The following CDIN1 variants were observed in gnomAD, a reference collection of about 807,000 sequenced individuals.
CDIN1 encodes the protein CDAN1-interacting nuclease 1.
A neutral mutation model predicts 45.3 loss-of-function variants in CDIN1; 33 were observed. The observed-to-expected ratio is 0.73, with a 90% CI of 0.55 to 0.97. The LOEUF is 0.97. Among genes scored for constraint, CDIN1 ranks in the 50% least tolerant of loss-of-function variants. CDIN1 has a pLI of 0.00. For synonymous variants in CDIN1, 118 were observed against 124.4 expected (o/e 0.95, Z 0.34); for missense variants, 303 against 339.4 (o/e 0.89, Z 0.84).
intron 1 of CDIN1, among the ~76,000 whole-genome samples, chr15:36,635,949 A>C (rs1284569252): frequency 1.3e-5 from 2 of 152,158 alleles, no homozygotes; most frequent in Non-Finnish European, 2.9e-5. Flanking sequence ...TATGAAGAGA[A>C]ACTAAGAAAC....
chr15:36,785,147 C>T (rs1595595274), intron 10 of CDIN1, among the ~76,000 whole-genome samples: 1 of 152,154 alleles, frequency 6.6e-6, no homozygotes, highest in Non-Finnish European at 1.5e-5. Context: ...GAATGATTCA[C>T]ATTTACATGG....
chr15:36,745,006 G>C (rs1295703882), intron 10 of CDIN1, among the ~76,000 whole-genome samples: 1 of 152,208 alleles, frequency 6.6e-6, no homozygotes, highest in Non-Finnish European at 1.5e-5. Context: ...GGGTGAATAA[G>C]TGGTGATGTT....
chr15:36,657,923 C>T lies in CDIN1; in HGVS notation c.346+18C>T, dbSNP rs1421521395. On this transcript the variant is annotated intron_variant, in intron 5 of 10. Coordinates refer to ENST00000566621, the MANE Select transcript of CDIN1 (RefSeq NM_001321759.2). ...AACTCCACGTGAGTTACCCTTTTTT[C>T]CTAATGGTACTCTTTTACTCCCTTC... 1.3e-6 allele frequency: 2 copies of T among 1,587,768 alleles called. No individual in the cohort carries two copies. Among genetic ancestry groups the T allele is most frequent in the South Asian group, 1.1e-5 (1 of 88,572 alleles).
At chr15:36,802,411 G>C (rs1362344171) in intron 10 of CDIN1, among the ~76,000 whole-genome samples, 3 of 152,044 alleles carry the variant, frequency 2.0e-5, no homozygotes, top group Non-Finnish European at 4.4e-5. Flanking sequence ...TAGAAGCTCA[G>C]CTGGCTTCAG....
chr15:36,600,125 A>C (rs1285153677), intron 1 of CDIN1, among the ~76,000 whole-genome samples: 1 of 152,180 alleles, frequency 6.6e-6, no homozygotes. Flanking sequence ...GTCCCTGGAG[A>C]GGCCTCTTAG....
intron 3 of CDIN1, among the ~76,000 whole-genome samples, chr15:36,651,411 T>A (rs2040572683): frequency 6.6e-6 from 1 of 152,206 alleles, no homozygotes; most frequent in Non-Finnish European, 1.5e-5. Flanking sequence ...TCTAATTATG[T>A]CTTTATGGAA....
intron 1 of CDIN1, among the ~76,000 whole-genome samples, chr15:36,641,022 G>A (rs939565210): frequency 1.3e-5 from 2 of 152,144 alleles, no homozygotes; most frequent in African/African-American, 4.8e-5. Context: ...ACAGACAGAG[G>A]AAAAATTTTA....
chr15:36,754,571 A>G (rs559710752), intron 10 of CDIN1, among the ~76,000 whole-genome samples: 83 of 151,612 alleles, frequency 5.5e-4, no homozygotes, highest in African/African-American at 1.8e-3. Flanking sequence ...TCTCTTAAAA[A>G]AAAAAAAAAA....
intron 10 of CDIN1, among the ~76,000 whole-genome samples, chr15:36,760,710 AGAAATGGTGG>A (rs11279763): frequency 0.14 from 21,930 of 152,120 alleles, 1,762 homozygotes; most frequent in African/African-American, 0.21. Flanking sequence ...GGAGCATCTA[AGAAATGGTGG>A]TGGTGGTGCT....
chr15:36,623,783 T>A (rs185082926), intron 1 of CDIN1, among the ~76,000 whole-genome samples: 191 of 152,372 alleles, frequency 1.3e-3, no homozygotes, highest in African/African-American at 4.2e-3. Flanking sequence ...TAGATTAAGT[T>A]GTTTGCAACT....
At chr15:36,595,468 G>T (rs993894925) in intron 1 of CDIN1, among the ~76,000 whole-genome samples, 2 of 151,880 alleles carry the variant, frequency 1.3e-5, no homozygotes, top group African/African-American at 4.8e-5. Context: ...TGTCATAAAA[G>T]AAATTACACC....
At chr15:36,723,733 T>C (rs1452917) in intron 10 of CDIN1, among the ~76,000 whole-genome samples, 115,440 of 152,106 alleles carry the variant, frequency 0.76, 44,265 homozygotes, top group East Asian at 0.96. Context: ...GCTGGCCTGC[T>C]GTATTCCTAA....
At chr15:36,766,941 C>G (rs188613426) in intron 10 of CDIN1, among the ~76,000 whole-genome samples, 1 of 152,192 alleles carries the variant, frequency 6.6e-6, no homozygotes, top group Admixed American at 6.5e-5. Context: ...TTTAGTTTGA[C>G]GTAGTCTCAA....
In CDIN1 at chr15:36,691,771, A is replaced by G; in HGVS notation, c.426+7A>G. On this transcript the variant is annotated splice_region_variant and intron_variant, in intron 6 of 10. Coordinates refer to ENST00000566621, the MANE Select transcript of CDIN1 (RefSeq NM_001321759.2). Reference sequence around the variant, plus strand: ...AGCAAATCAGGTCTATCAGGTATTAATCACAGCTGTCTATTTTCAGTGGCA... The same window carrying G: ...AGCAAATCAGGTCTATCAGGTATTAGTCACAGCTGTCTATTTTCAGTGGCA... 1.3e-6 allele frequency: 2 copies of G among 1,576,306 alleles called. No individual in the cohort carries two copies. The highest frequency in any genetic ancestry group is 1.1e-5 in the South Asian group (1 of 87,166).
intron 5 of CDIN1, among the ~76,000 whole-genome samples, chr15:36,667,918 C>A (rs1312100480): frequency 6.6e-6 from 1 of 152,076 alleles, no homozygotes; most frequent in Non-Finnish European, 1.5e-5. Context: ...GTAATTTCTG[C>A]TTCATTCAGG....
Position 36,695,249 on chromosome 15 carries a change from C to T in CDIN1, c.477-2074C>T, listed in dbSNP as rs545364717. On this transcript the variant is annotated intron_variant, in intron 7 of 10. Coordinates refer to ENST00000566621, the MANE Select transcript of CDIN1 (RefSeq NM_001321759.2). The stretch of plus-strand genomic sequence containing the variant: ...AACGAAGTTTTATTTAAGTTGAACT[C>T]GTGCAGTGCATGATCAGAATCAGCT... 6.6e-4 allele frequency among the ~76,000 whole-genome samples: 101 copies of T among 151,972 alleles called. 1 individual carries two copies. Among genetic ancestry groups the T allele is most frequent in the Non-Finnish European group, 8.4e-4 (57 of 68,008 alleles).
chr15:36,753,109 G>C (rs1013516442), intron 10 of CDIN1, among the ~76,000 whole-genome samples: 1 of 152,144 alleles, frequency 6.6e-6, no homozygotes, highest in African/African-American at 2.4e-5. Flanking sequence ...GATTCAATGT[G>C]ATCACCTTTT....
intron 1 of CDIN1, among the ~76,000 whole-genome samples, chr15:36,623,723 A>G (rs2039303097): frequency 1.3e-5 from 2 of 152,258 alleles, no homozygotes; most frequent in Non-Finnish European, 2.9e-5. Flanking sequence ...AATTCCACGA[A>G]CTGTCTAAAA....
At chr15:36,807,722 T>G (rs868849766) in intron 10 of CDIN1, among the ~76,000 whole-genome samples, 23 of 152,112 alleles carry the variant, frequency 1.5e-4, no homozygotes, top group Admixed American at 1.0e-3. Context: ...ATGACCAAAC[T>G]TTATGCTGTG....
Sources: gnomAD v4.1 joint callset for allele counts (sites outside exome capture counted in the v4.1 genomes callset) on GRCh38, gnomAD v4.1.1 for gene constraint, MANE v1.5 for transcripts, NCBI Gene and HGNC (gene_info 2026-07-23, HGNC 2026-07-21) for gene names.